ZNF431: variants seen among roughly 807,000 people sequenced by gnomAD.
The protein encoded by ZNF431 is zinc finger protein 431.
A neutral mutation model predicts 57.0 loss-of-function variants in ZNF431; 34 were observed. The ratio of observed to expected loss-of-function variants is 0.60; its 90% CI spans 0.45 to 0.79. ZNF431 has a LOEUF of 0.79. Ranked by LOEUF, ZNF431 falls within the 30% of genes least tolerant of loss-of-function variation. The pLI is 0.00. For synonymous variants in ZNF431, 207 were observed against 220.3 expected (o/e 0.94, Z 0.54); for missense variants, 607 against 667.1 (o/e 0.91, Z 0.99).
At position 21,186,020 on chromosome 19, in the gene ZNF431, G is replaced by C. The variant is rs1047722355; in HGVS notation, c.*1986G>C. 1 of 151,972 alleles carries C rather than the reference G, an allele frequency of 6.6e-6. No homozygotes were observed. Among genetic ancestry groups the C allele is most frequent in the South Asian group, 2.1e-4 (1 of 4,806 alleles). The allele number at this position is 151,972 out of a possible 1,614,324, so 9.4% of individuals were successfully genotyped here. A position where few individuals can be genotyped will look rare whatever the true frequency, so the allele number is the denominator to read the frequency against. On this transcript the variant is annotated 3_prime_UTR_variant, in exon 5 of 5. Transcript: ENST00000311048. ...TCTCATGCCAGGTGTGGTGGCTCAC[G>C]TCTGTAATCCCAGCACTTTGACAGG...
At chr19:21,160,429 C>T (rs942637613) in intron 2 of ZNF431, among the ~76,000 whole-genome samples, 1 of 152,184 alleles carries the variant, frequency 6.6e-6, no homozygotes, top group Admixed American at 6.5e-5. Flanking sequence ...ACTATACCTA[C>T]GTGTAAAATG....
chr19:21,175,753 T>C (rs1971030517), intron 4 of ZNF431, among the ~76,000 whole-genome samples: 1 of 152,224 alleles, frequency 6.6e-6, no homozygotes, highest in Non-Finnish European at 1.5e-5. Flanking sequence ...AAGTACATAA[T>C]CTTGTTCCTT....
At chr19:21,166,164 G>A (rs989825055) in intron 2 of ZNF431, among the ~76,000 whole-genome samples, 171 bp from the exon 3 acceptor site, 1 of 131,588 alleles carries the variant, frequency 7.6e-6, no homozygotes, top group Non-Finnish European at 1.5e-5. Flanking sequence ...CTCAGAGTAG[G>A]AGAATACATT....
chr19:21,169,897 C>G (rs1346286892), intron 4 of ZNF431: 1 of 398,480 alleles, frequency 2.5e-6, no homozygotes, highest in Non-Finnish European at 4.4e-6. Context: ...GTAAACCTGT[C>G]TGCATGGCTG....
chr19:21,167,757 G>A (rs1970763942), intron 4 of ZNF431, 91 bp downstream of exon 4: 3 of 881,582 alleles, frequency 3.4e-6, no homozygotes, highest in South Asian at 2.3e-5. Context: ...TGTGTTTTGG[G>A]AAGCTGTGTT....
At position 21,193,518 on chromosome 19, in the gene ZNF431, T is replaced by A. The variant is rs1019493559; in HGVS notation, c.*9484T>A. 2.0e-5 allele frequency: 3 copies of A among 152,098 alleles called. No homozygotes were observed. The highest frequency in any genetic ancestry group is 7.2e-5 in the African/African-American group (3 of 41,404). The allele number at this position is 152,098 out of a possible 1,614,324, so 9.4% of individuals were successfully genotyped here. The stretch of plus-strand genomic sequence containing the variant: ...CTCCAGCCTAGGCAATGAGTGAAAC[T>A]CCATCTCAAAATAAATTAATTAATA... On this transcript the variant is annotated 3_prime_UTR_variant, in exon 5 of 5. Coordinates refer to ENST00000311048, the MANE Select transcript of ZNF431 (RefSeq NM_133473.4).
At chr19:21,175,652 C>T (rs1050545716) in intron 4 of ZNF431, among the ~76,000 whole-genome samples, 6 of 152,192 alleles carry the variant, frequency 3.9e-5, no homozygotes, top group African/African-American at 1.4e-4. Flanking sequence ...TCAACTCCCA[C>T]TTAATAAGTG....
chr19:21,166,964 G>A (rs1450933883), intron 3 of ZNF431, among the ~76,000 whole-genome samples: 2 of 152,032 alleles, frequency 1.3e-5, no homozygotes, highest in East Asian at 1.9e-4. Context: ...GGGTTCAAGC[G>A]ATTCTCCTGC....
intron 4 of ZNF431, among the ~76,000 whole-genome samples, chr19:21,178,663 C>T (rs142495225): frequency 2.6e-4 from 40 of 152,136 alleles, no homozygotes; most frequent in African/African-American, 9.6e-4. Flanking sequence ...TGAATTACAT[C>T]AATTTTTGTA....
rs184498381 is a variant in ZNF431 at position 21,193,292 on chromosome 19, G to C, written c.*9258G>C. 1.3e-5 allele frequency: 2 copies of C among 152,242 alleles called. No homozygotes were observed. Among genetic ancestry groups the C allele is most frequent in the Non-Finnish European group, 2.9e-5 (2 of 68,084 alleles). 9.4% of individuals were successfully genotyped at this position (152,242 alleles called of 1,614,324 possible). A position where few individuals can be genotyped will look rare whatever the true frequency, so the allele number is the denominator to read the frequency against. ...GCCTGTAATCCCAGCACTTTGGAAGGCCGAGGTGGGCGGGTCACCTGAGGT... is the reference window on the plus strand; with the variant it reads ...GCCTGTAATCCCAGCACTTTGGAAGCCCGAGGTGGGCGGGTCACCTGAGGT... On this transcript the variant is annotated 3_prime_UTR_variant, in exon 5 of 5. Coordinates refer to ENST00000311048, the MANE Select transcript of ZNF431 (RefSeq NM_133473.4).
chr19:21,182,953 T>C lies in ZNF431; in HGVS notation c.650T>C (p.Leu217Ser), dbSNP rs1599621067. The C allele has an allele frequency of 6.2e-7, 1 of 1,614,086 alleles. No homozygotes were observed. The change falls in exon 5 of 5, where the codon TTA (leucine) becomes TCA (serine). Residue 217 changes from leucine to serine, a missense_variant. Physicochemically the swap from Leu to Ser is moderately radical, Grantham distance 145. Transcript: ENST00000311048. ...KKCGKSFCML[L>S]HLSQHKRIHI... ...TGTGGCAAATCATTTTGCATGCTTTTACACCTAAGTCAACATAAAAGAATT... is the reference window on the plus strand; with the variant it reads ...TGTGGCAAATCATTTTGCATGCTTTCACACCTAAGTCAACATAAAAGAATT...
At chr19:21,160,839 C>T (rs983735604) in intron 2 of ZNF431, among the ~76,000 whole-genome samples, 1 of 152,088 alleles carries the variant, frequency 6.6e-6, no homozygotes, top group Non-Finnish European at 1.5e-5. Flanking sequence ...TCTTGTGACT[C>T]AAATAAACTA....
intron 2 of ZNF431, 27 bp downstream of exon 2, chr19:21,143,670 C>A: frequency 1.3e-6 from 2 of 1,553,812 alleles, no homozygotes; most frequent in Non-Finnish European, 1.8e-6. Flanking sequence ...TTAAAATTGT[C>A]TACGCCCAAC....
intron 4 of ZNF431, among the ~76,000 whole-genome samples, chr19:21,172,642 A>T (rs1039366485): frequency 6.6e-6 from 1 of 152,002 alleles, no homozygotes; most frequent in Admixed American, 6.6e-5. Flanking sequence ...CTCTATAAAA[A>T]TTTTTAAAAA....
rs1033848220 is a variant in ZNF431, at chr19:21,169,810, T to C, written c.319+2144T>C. The C allele has an allele frequency of 9.0e-5, 36 of 398,504 alleles. No homozygotes were observed. In the East Asian group the frequency reaches 1.2e-3, roughly 14 times the overall value. 24.7% of individuals were successfully genotyped at this position (398,504 alleles called of 1,614,324 possible). A position where few individuals can be genotyped will look rare whatever the true frequency, so the allele number is the denominator to read the frequency against. ...GTGTGGGTTTCTGTTTAGGAAAAACTGATCATGATCTGCGGCTCAGAGAGC... is the reference window on the plus strand; with the variant it reads ...GTGTGGGTTTCTGTTTAGGAAAAACCGATCATGATCTGCGGCTCAGAGAGC... On this transcript the variant is annotated intron_variant, in intron 4 of 4. Transcript: ENST00000311048.
chr19:21,148,194 A>C (rs1042527851), intron 2 of ZNF431, among the ~76,000 whole-genome samples: 7 of 152,092 alleles, frequency 4.6e-5, no homozygotes, highest in Admixed American at 3.9e-4. Context: ...ACTGGTTTTC[A>C]TCATGTTGGC....
chr19:21,186,692 C>G lies in ZNF431; in HGVS notation c.*2658C>G, dbSNP rs1483034839. 6.6e-6 allele frequency: 1 copy of G among 151,986 alleles called. No individual in the cohort carries two copies. Among genetic ancestry groups the G allele is most frequent in the Non-Finnish European group, 1.5e-5 (1 of 67,990 alleles). The allele number at this position is 151,986 out of a possible 1,614,324, so 9.4% of individuals were successfully genotyped here. ...TGCTAGACCCATACTTTTTTTGTTT[C>G]TTACATTTTTTTTGTTTTATATTTT... On this transcript the variant is annotated 3_prime_UTR_variant, in exon 5 of 5. Coordinates refer to ENST00000311048, the MANE Select transcript of ZNF431 (RefSeq NM_133473.4).
chr19:21,144,205 A>AT (rs752273595), intron 2 of ZNF431, among the ~76,000 whole-genome samples: 1,455 of 145,010 alleles, frequency 0.01, 24 homozygotes, highest in African/African-American at 0.031. Flanking sequence ...AAAGGTAGGA[A>AT]TTTTTTTTTT....
At chr19:21,156,249 A>G (rs1970412679) in intron 2 of ZNF431, among the ~76,000 whole-genome samples, 1 of 152,218 alleles carries the variant, frequency 6.6e-6, no homozygotes, top group Non-Finnish European at 1.5e-5. Flanking sequence ...CCTGTTCATA[A>G]TCTCATCTGC....
Sources: gnomAD v4.1 joint callset for allele counts (sites outside exome capture counted in the v4.1 genomes callset) on GRCh38, gnomAD v4.1.1 for gene constraint, MANE v1.5 for transcripts, NCBI Gene and HGNC (gene_info 2026-07-23, HGNC 2026-07-21) for gene names.